CSMD1: variants seen among roughly 807,000 people sequenced by gnomAD.
CSMD1 encodes the protein CUB and Sushi multiple domains 1.
CSMD1 carries 213 observed loss-of-function variants against 417.5 expected under a neutral mutation model. The observed-to-expected ratio is 0.51, with a 90% CI of 0.46 to 0.57. The LOEUF is 0.57. CSMD1 is among the 20% of genes least tolerant of loss of function. CSMD1 has a pLI of 0.00. For missense variants in CSMD1, 6,923 were observed against 4,529.7 expected, an observed-to-expected ratio of 1.53 and a Z score of -15.17; for synonymous variants, 2,862 against 1,736.8, an observed-to-expected ratio of 1.65 and a Z score of -16.11.
At chr8:4,878,287 TAACAC>T (rs776064672) in intron 1 of CSMD1, among the ~76,000 whole-genome samples, 13 of 152,162 alleles carry the variant, frequency 8.5e-5, no homozygotes, top group Non-Finnish European at 1.6e-4. Context: ...TTGACCAACT[TAACAC>T]AACGCGAGGC....
intron 1 of CSMD1, among the ~76,000 whole-genome samples, chr8:4,879,080 A>G (rs1803231722): frequency 6.6e-6 from 1 of 152,036 alleles, no homozygotes; most frequent in South Asian, 2.1e-4. Context: ...TGTAGACACT[A>G]AGTAAGCTTT....
At chr8:4,745,670 G>A (rs1052333928) in intron 1 of CSMD1, among the ~76,000 whole-genome samples, 1 of 152,124 alleles carries the variant, frequency 6.6e-6, no homozygotes. Context: ...AGAAAACACA[G>A]ATTTTAAGCT....
intron 1 of CSMD1, among the ~76,000 whole-genome samples, chr8:4,773,962 G>A (rs909648356): frequency 2.6e-5 from 4 of 152,206 alleles, no homozygotes; most frequent in African/African-American, 4.8e-5. Context: ...TTTTGAGGCA[G>A]AGGTGGGTGG....
chr8:3,803,254 G>A lies in CSMD1; in HGVS notation c.819-49212C>T, dbSNP rs1800555920. Among the ~76,000 whole-genome samples the A allele has an allele frequency of 3.3e-5, 5 of 152,284 alleles. No individual in the cohort carries two copies. In the South Asian group the frequency reaches 8.3e-4, roughly 25 times the overall value. On this transcript the variant is annotated intron_variant, in intron 5 of 69. Transcript: ENST00000635120. ...CCCCATTCTGACTGCTTGGCATAAA[G>A]TCAGGAACACGGGTTCTCATTGCAT...
intron 1 of CSMD1, among the ~76,000 whole-genome samples, chr8:4,972,689 C>A (rs1810314166): frequency 6.7e-6 from 1 of 148,442 alleles, no homozygotes; most frequent in East Asian, 1.9e-4. Flanking sequence ...CTTCAACAAC[C>A]CTGAATTTAA....
chr8:3,082,210 C>T (rs568417327), intron 49 of CSMD1, among the ~76,000 whole-genome samples: 25 of 152,210 alleles, frequency 1.6e-4, no homozygotes, highest in Non-Finnish European at 2.2e-4. Context: ...GTCTTCCAGA[C>T]AGGATGCGTG....
At chr8:3,464,333 G>C (rs969088678) in intron 12 of CSMD1, among the ~76,000 whole-genome samples, 5 of 152,144 alleles carry the variant, frequency 3.3e-5, no homozygotes, top group African/African-American at 9.7e-5. Context: ...CAGGGATCAA[G>C]TTTGCTTCTT....
intron 6 of CSMD1, among the ~76,000 whole-genome samples, chr8:3,719,719 A>G (rs577045433): frequency 2.6e-4 from 39 of 152,328 alleles, no homozygotes; most frequent in Admixed American, 1.7e-3. Flanking sequence ...CATACCAGCC[A>G]CATATTATGT....
chr8:4,062,671 C>G (rs577623281), intron 3 of CSMD1, among the ~76,000 whole-genome samples: 5 of 151,816 alleles, frequency 3.3e-5, no homozygotes, highest in Admixed American at 2.6e-4. Context: ...ACACAGATTC[C>G]TTGTGCAAGA....
chr8:3,454,565 C>T (rs199608041), intron 12 of CSMD1, among the ~76,000 whole-genome samples: 3 of 152,150 alleles, frequency 2.0e-5, no homozygotes, highest in African/African-American at 7.2e-5. Context: ...TTCTCCTTCA[C>T]TTAAGAAACT....
chr8:3,753,105 C>G (rs1432800396), intron 6 of CSMD1, among the ~76,000 whole-genome samples: 6 of 152,130 alleles, frequency 3.9e-5, no homozygotes, highest in South Asian at 2.1e-4. Context: ...GCTTGGTGTC[C>G]TCTCTGGCAC....
intron 2 of CSMD1, among the ~76,000 whole-genome samples, chr8:4,425,187 C>A (rs766330119): frequency 1.3e-5 from 2 of 151,618 alleles, no homozygotes; most frequent in Non-Finnish European, 2.9e-5. Flanking sequence ...ATTGTGATTA[C>A]GAAGGGGTGT....
At chr8:3,997,847 GA>G (rs11303985) in intron 5 of CSMD1, 55 bp downstream of exon 5, 771,595 of 1,478,854 alleles carry the variant, frequency 0.52, 203,724 homozygotes, top group Middle Eastern at 0.55. Flanking sequence ...CTCGTTGGGG[GA>G]AAAAACGGGG....
intron 5 of CSMD1, among the ~76,000 whole-genome samples, chr8:3,941,716 T>A (rs935605397): frequency 1.3e-5 from 2 of 152,200 alleles, no homozygotes; most frequent in Non-Finnish European, 2.9e-5. Context: ...TGTTATTTAT[T>A]TATTTTTTAA....
intron 42 of CSMD1, among the ~76,000 whole-genome samples, chr8:3,111,701 G>A (rs911336896): frequency 1.3e-5 from 2 of 152,066 alleles, no homozygotes; most frequent in African/African-American, 4.8e-5. Context: ...GCGTGGTGGT[G>A]CACGCCTGTA....
chr8:4,333,637 T>C (rs1486460947), intron 3 of CSMD1, among the ~76,000 whole-genome samples: 1 of 152,106 alleles, frequency 6.6e-6, no homozygotes, highest in East Asian at 1.9e-4. Context: ...GTGATCTAAA[T>C]CTAGACACAC....
At chr8:4,356,471 T>C (rs1323679877) in intron 3 of CSMD1, among the ~76,000 whole-genome samples, 1 of 152,178 alleles carries the variant, frequency 6.6e-6, no homozygotes, top group Non-Finnish European at 1.5e-5. Flanking sequence ...TGACTTCTTT[T>C]CCTCTGAGTA....
chr8:2,985,932 GAGGGA>G (rs1229930372), intron 54 of CSMD1, among the ~76,000 whole-genome samples: 1 of 140,712 alleles, frequency 7.1e-6, no homozygotes, highest in African/African-American at 2.7e-5. Flanking sequence ...AAGGGGAGGG[GAGGGA>G]AGGGAAGGGG....
chr8:4,369,307 G>C (rs567963278), intron 3 of CSMD1, among the ~76,000 whole-genome samples: 1 of 152,038 alleles, frequency 6.6e-6, no homozygotes, highest in Non-Finnish European at 1.5e-5. Context: ...TTTATTTGTG[G>C]TTGTTATGAA....
Sources: gnomAD v4.1 joint callset for allele counts (sites outside exome capture counted in the v4.1 genomes callset) on GRCh38, gnomAD v4.1.1 for gene constraint, MANE v1.5 for transcripts, NCBI Gene and HGNC (gene_info 2026-07-23, HGNC 2026-07-21) for gene names.